The following LUZP2 variants were observed in gnomAD, a reference collection of about 807,000 sequenced individuals.
LUZP2 encodes leucine zipper protein 2.
A neutral mutation model predicts 51.6 loss-of-function variants in LUZP2; 52 were observed. The ratio of observed to expected loss-of-function variants is 1.01; its 90% CI spans 0.81 to 1.27. The LOEUF is 1.27. Ranked by LOEUF, LUZP2 falls within the 50% of genes most tolerant of loss-of-function variation. The pLI is 0.00. For synonymous variants in LUZP2, 154 were observed against 137.3 expected (o/e 1.12, Z -0.85); for missense variants, 436 against 395.4 (o/e 1.10, Z -0.87).
intron 1 of LUZP2, among the ~76,000 whole-genome samples, chr11:24,552,036 C>G (rs1293213377): frequency 2.6e-5 from 4 of 151,738 alleles, no homozygotes. Flanking sequence ...TATATAAGCC[C>G]CTCCAGAGAA....
At chr11:24,527,197 G>C (rs1219276745) in intron 1 of LUZP2, among the ~76,000 whole-genome samples, 2 of 151,092 alleles carry the variant, frequency 1.3e-5, no homozygotes, top group African/African-American at 4.8e-5. Context: ...TTTATTTTTT[G>C]TTCCTCTCTC....
At chr11:25,050,390 C>T (rs1358639832) in intron 10 of LUZP2, among the ~76,000 whole-genome samples, 2 of 149,360 alleles carry the variant, frequency 1.3e-5, no homozygotes, top group South Asian at 2.1e-4. Context: ...CAAGCTCCGC[C>T]GCCTCCCGGG....
chr11:24,780,330 A>G (rs186876499), intron 5 of LUZP2, among the ~76,000 whole-genome samples: 18 of 152,268 alleles, frequency 1.2e-4, no homozygotes, highest in Admixed American at 1.2e-3. Flanking sequence ...ACCATTATTT[A>G]TCACACTACT....
intron 9 of LUZP2, among the ~76,000 whole-genome samples, chr11:24,999,841 G>T (rs552641437): frequency 2.6e-4 from 40 of 152,274 alleles, no homozygotes; most frequent in Middle Eastern, 3.4e-3. Context: ...AGACCCTCGT[G>T]TTGAGTATTA....
chr11:24,774,208 G>A (rs917409391), intron 5 of LUZP2, among the ~76,000 whole-genome samples: 10 of 151,486 alleles, frequency 6.6e-5, no homozygotes, highest in African/African-American at 2.2e-4. Context: ...TGCTTCCTGC[G>A]CTCGAACATT....
chr11:24,600,203 ACACACACACACACACG>A (rs1280292175), intron 1 of LUZP2, among the ~76,000 whole-genome samples: 13 of 122,382 alleles, frequency 1.1e-4, no homozygotes, highest in African/African-American at 3.9e-4. Flanking sequence ...ACACACACAC[ACACACACACACACACG>A]CACAATGGGG....
At chr11:24,574,777 C>T (rs980874983) in intron 1 of LUZP2, among the ~76,000 whole-genome samples, 1 of 152,092 alleles carries the variant, frequency 6.6e-6, no homozygotes. Flanking sequence ...TTCTTGATCA[C>T]TGCATTTCAA....
At chr11:24,679,915 T>C (rs1467432381) in intron 1 of LUZP2, among the ~76,000 whole-genome samples, 1 of 152,178 alleles carries the variant, frequency 6.6e-6, no homozygotes, top group African/African-American at 2.4e-5. Context: ...AACTATTGAA[T>C]GAATGGATTG....
At chr11:24,524,376 A>C in intron 1 of LUZP2, among the ~76,000 whole-genome samples, 1 of 151,762 alleles carries the variant, frequency 6.6e-6, no homozygotes, top group East Asian at 1.9e-4. Flanking sequence ...TTGGTAAAAC[A>C]TGCTGACTAC....
chr11:24,577,931 C>T (rs777210067), intron 1 of LUZP2, among the ~76,000 whole-genome samples: 3 of 151,988 alleles, frequency 2.0e-5, no homozygotes, highest in Non-Finnish European at 2.9e-5. Flanking sequence ...ATGAAAAGTC[C>T]GGAGAAAGTC....
intron 1 of LUZP2, among the ~76,000 whole-genome samples, chr11:24,711,204 C>T (rs1412924022): frequency 6.6e-6 from 1 of 152,148 alleles, no homozygotes; most frequent in East Asian, 1.9e-4. Context: ...AATCCCAGCA[C>T]TTTGGGAGGC....
intron 6 of LUZP2, among the ~76,000 whole-genome samples, chr11:24,912,999 A>G (rs573961033): frequency 1.3e-5 from 2 of 152,324 alleles, no homozygotes; most frequent in African/African-American, 4.8e-5. Flanking sequence ...CATAAGGATC[A>G]TGGGTTTATT....
At chr11:24,707,959 G>T (rs953889668) in intron 1 of LUZP2, among the ~76,000 whole-genome samples, 3 of 152,088 alleles carry the variant, frequency 2.0e-5, no homozygotes, top group African/African-American at 7.2e-5. Flanking sequence ...TTCCCCCATT[G>T]GCTAGGGTTA....
intron 5 of LUZP2, among the ~76,000 whole-genome samples, chr11:24,853,433 C>T (rs185433267): frequency 2.0e-5 from 3 of 151,982 alleles, no homozygotes; most frequent in East Asian, 1.9e-4. Flanking sequence ...CTTCTGTATG[C>T]TTCATGAAGT....
chr11:24,806,934 A>G (rs778405491), intron 5 of LUZP2, among the ~76,000 whole-genome samples: 1 of 151,384 alleles, frequency 6.6e-6, no homozygotes, highest in Non-Finnish European at 1.5e-5. Flanking sequence ...AAATTAGAAA[A>G]TGAAGTAGAA....
chr11:24,819,198 G>T (rs1850283755), intron 5 of LUZP2, among the ~76,000 whole-genome samples: 1 of 151,994 alleles, frequency 6.6e-6, no homozygotes, highest in Non-Finnish European at 1.5e-5. Flanking sequence ...CAGCGTGTTT[G>T]GAAAATTGCA....
chr11:24,814,855 G>C (rs1184662289), intron 5 of LUZP2, among the ~76,000 whole-genome samples: 2 of 152,106 alleles, frequency 1.3e-5, no homozygotes, highest in Admixed American at 6.5e-5. Context: ...AGCCAGGCGT[G>C]GCGGTGTGCG....
chr11:24,709,930 C>T (rs1395811494), intron 1 of LUZP2, among the ~76,000 whole-genome samples: 1 of 152,102 alleles, frequency 6.6e-6, no homozygotes, highest in Non-Finnish European at 1.5e-5. Flanking sequence ...TTTATCAGAT[C>T]CTTAGAACAA....
At chr11:24,856,673 T>C (rs1173736915) in intron 5 of LUZP2, among the ~76,000 whole-genome samples, 2 of 152,056 alleles carry the variant, frequency 1.3e-5, no homozygotes, top group Non-Finnish European at 1.5e-5. Context: ...TATGGGTCAA[T>C]AGAAGTGTCC....
Sources: gnomAD v4.1 joint callset for allele counts (sites outside exome capture counted in the v4.1 genomes callset) on GRCh38, gnomAD v4.1.1 for gene constraint, MANE v1.5 for transcripts, NCBI Gene and HGNC (gene_info 2026-07-23, HGNC 2026-07-21) for gene names.